EXOC4: variants seen among roughly 807,000 people sequenced by gnomAD.
EXOC4 encodes the protein SEC8-like 1.
In EXOC4, 71 loss-of-function variants were observed where a neutral mutation model predicts 107.2. The ratio of observed to expected loss-of-function variants is 0.66; its 90% CI spans 0.55 to 0.81. The LOEUF (loss-of-function observed/expected upper bound fraction) is 0.81. Ranked by LOEUF, EXOC4 falls within the 30% of genes least tolerant of loss-of-function variation. The pLI is 0.00. For synonymous variants in EXOC4, 456 were observed against 441.2 expected (o/e 1.03, Z -0.42); for missense variants, 1,108 against 1,189.6 (o/e 0.93, Z 1.01).
At chr7:133,521,966 A>G (rs867837664) in intron 9 of EXOC4, among the ~76,000 whole-genome samples, 2 of 151,770 alleles carry the variant, frequency 1.3e-5, no homozygotes, top group African/African-American at 4.8e-5. Context: ...TAACAATATA[A>G]TAATAATGGT....
At chr7:133,971,432 GAA>G (rs1261071467) in intron 14 of EXOC4, among the ~76,000 whole-genome samples, 1 of 143,778 alleles carries the variant, frequency 7.0e-6, no homozygotes, top group Non-Finnish European at 1.5e-5. Context: ...TTCTATGTAA[GAA>G]TATGTATTGT....
intron 10 of EXOC4, among the ~76,000 whole-genome samples, chr7:133,803,013 A>C (rs1796985655): frequency 6.6e-6 from 1 of 152,204 alleles, no homozygotes; most frequent in Admixed American, 6.5e-5. Flanking sequence ...TGAAGTAATG[A>C]ACTGAATACA....
chr7:134,019,683 G>A (rs190966494), intron 17 of EXOC4, among the ~76,000 whole-genome samples: 9 of 152,248 alleles, frequency 5.9e-5, no homozygotes, highest in Admixed American at 5.2e-4. Flanking sequence ...CAACCCCAAA[G>A]TCTATGTATG....
chr7:133,559,106 T>G (rs958334417), intron 9 of EXOC4, among the ~76,000 whole-genome samples: 2 of 152,250 alleles, frequency 1.3e-5, no homozygotes, highest in African/African-American at 2.4e-5. Context: ...CCAAATTACC[T>G]GTTCTTATCC....
intron 3 of EXOC4, among the ~76,000 whole-genome samples, chr7:133,295,632 T>C (rs1244721200): frequency 2.0e-5 from 3 of 152,166 alleles, no homozygotes; most frequent in African/African-American, 7.2e-5. Flanking sequence ...AGTGCTTAGA[T>C]AGCAGGACCA....
At chr7:133,731,441 C>T (rs913173034) in intron 10 of EXOC4, among the ~76,000 whole-genome samples, 3 of 151,838 alleles carry the variant, frequency 2.0e-5, no homozygotes, top group African/African-American at 7.3e-5. Context: ...ACTGAAGACT[C>T]TCCATTTGTT....
Position 133,354,290 on chromosome 7 carries a change from G to A in EXOC4, c.764-2040G>A, listed in dbSNP as rs545574636. ...GAAATCACATTCTCCCTCTTTTCCC[G>A]GGTTCTCTGGGTTTTGATGTTGTTA... On this transcript the variant is annotated intron_variant, in intron 5 of 17. Coordinates refer to ENST00000253861, the MANE Select transcript of EXOC4 (RefSeq NM_021807.4). 3.3e-4 allele frequency among the ~76,000 whole-genome samples: 50 copies of A among 151,890 alleles called. 1 individual carries two copies. The South Asian group carries it at 9.6e-3, about 29-fold the overall frequency.
chr7:133,540,745 T>C (rs1800364129), intron 9 of EXOC4, among the ~76,000 whole-genome samples: 1 of 152,220 alleles, frequency 6.6e-6, no homozygotes, highest in South Asian at 2.1e-4. Flanking sequence ...ATTGACCTGA[T>C]AGACTTTGCC....
chr7:133,456,358 A>G (rs189845100), intron 7 of EXOC4, among the ~76,000 whole-genome samples: 1 of 152,200 alleles, frequency 6.6e-6, no homozygotes, highest in Non-Finnish European at 1.5e-5. Flanking sequence ...GGCAATAATT[A>G]TATCTCCACT....
intron 10 of EXOC4, among the ~76,000 whole-genome samples, chr7:133,812,128 T>A (rs970054829): frequency 6.6e-6 from 1 of 151,822 alleles, no homozygotes; most frequent in Non-Finnish European, 1.5e-5. Context: ...GATATGAAAA[T>A]AAGGGAGCAA....
At chr7:134,090,277 C>A in the EXOC4 span, among the ~76,000 whole-genome samples, 2 of 152,188 alleles carry the variant, frequency 1.3e-5, no homozygotes, top group Non-Finnish European at 2.9e-5. Flanking sequence ...AGCACAGCCA[C>A]ATAGTTACAA....
At chr7:133,880,085 CCTCT>C (rs1199379239) in intron 11 of EXOC4, among the ~76,000 whole-genome samples, 2 of 152,180 alleles carry the variant, frequency 1.3e-5, no homozygotes, top group Admixed American at 1.3e-4. Context: ...CTTGCCTCTG[CCTCT>C]CTAAGTATCC....
intron 17 of EXOC4, among the ~76,000 whole-genome samples, chr7:134,047,033 G>T (rs1795672157): frequency 6.6e-6 from 1 of 152,142 alleles, no homozygotes; most frequent in South Asian, 2.1e-4. Flanking sequence ...GATCAAATTG[G>T]TACTGCTCTT....
intron 14 of EXOC4, among the ~76,000 whole-genome samples, chr7:133,977,533 TTTGA>T (rs1281086228): frequency 6.6e-6 from 1 of 152,194 alleles, no homozygotes; most frequent in Admixed American, 6.5e-5. Flanking sequence ...AATTTGAATG[TTTGA>T]CTTCTATCCC....
At chr7:134,079,840 C>T in the EXOC4 span, among the ~76,000 whole-genome samples, 1 of 152,088 alleles carries the variant, frequency 6.6e-6, no homozygotes, top group Non-Finnish European at 1.5e-5. Context: ...AGGTGCAGTC[C>T]CAGCCTGCCT....
intron 11 of EXOC4, among the ~76,000 whole-genome samples, chr7:133,839,503 A>G (rs1797983124): frequency 2.0e-5 from 3 of 152,200 alleles, no homozygotes; most frequent in Non-Finnish European, 4.4e-5. Flanking sequence ...TTTTCACTGT[A>G]TTTTCCTCAA....
intron 10 of EXOC4, among the ~76,000 whole-genome samples, chr7:133,726,793 A>G (rs77675617): frequency 0.012 from 1,835 of 152,076 alleles, 35 homozygotes; most frequent in African/African-American, 0.042. Flanking sequence ...CCCACTTTCC[A>G]TTTGGTTCCA....
chr7:133,506,474 T>G (rs1285067588), intron 9 of EXOC4, among the ~76,000 whole-genome samples: 1 of 152,092 alleles, frequency 6.6e-6, no homozygotes, highest in Non-Finnish European at 1.5e-5. Context: ...GATGCTTAAT[T>G]TTTTTGGTTT....
chr7:134,013,102 G>A (rs1012120686), intron 17 of EXOC4, among the ~76,000 whole-genome samples: 12 of 152,106 alleles, frequency 7.9e-5, no homozygotes, highest in African/African-American at 1.2e-4. Context: ...TCAAGTCTAC[G>A]GTAGGGTTTG....
Sources: gnomAD v4.1 joint callset for allele counts (sites outside exome capture counted in the v4.1 genomes callset) on GRCh38, gnomAD v4.1.1 for gene constraint, MANE v1.5 for transcripts, NCBI Gene and HGNC (gene_info 2026-07-23, HGNC 2026-07-21) for gene names.